The following RAB9B variants were observed in gnomAD, a reference collection of about 807,000 sequenced individuals.
RAB9B encodes ras-related protein Rab-9B.
A neutral mutation model predicts 8.9 loss-of-function variants in RAB9B; 1 was observed. The observed-to-expected ratio is 0.11, with a 90% CI of 0.04 to 0.53. The LOEUF (loss-of-function observed/expected upper bound fraction) is 0.53, where lower values mean the gene tolerates loss of function less well. Ranked by LOEUF, RAB9B falls within the 20% of genes least tolerant of loss-of-function variation. The probability of loss-of-function intolerance (pLI) is 0.93; values close to 1 mark genes in which losing one functional copy is unlikely to be tolerated. For missense variants in RAB9B, 82 were observed against 152.9 expected (o/e 0.54, Z 2.45); for synonymous variants, 63 against 57.0 (o/e 1.10, Z -0.47).
At chrX:103,789,886 T>A in the RAB9B span, among the ~76,000 whole-genome samples, 1 of 112,002 alleles carries the variant, frequency 8.9e-6, no homozygotes, top group East Asian at 2.8e-4. Context: ...ATTAGAATTG[T>A]TATGATTATA....
At chrX:103,785,846 C>A in the RAB9B span, 1 of 921,133 alleles carries the variant, frequency 1.1e-6, no homozygotes, top group Non-Finnish European at 1.6e-6. Context: ...TCTTCAGTAC[C>A]TTAGTAACTA....
chrX:103,803,942 T>C, the RAB9B span, among the ~76,000 whole-genome samples: 1 of 112,840 alleles, frequency 8.9e-6, no homozygotes, highest in East Asian at 2.8e-4. Context: ...TCTCCCATTC[T>C]TTGTGTTGTC....
the RAB9B span, chrX:103,787,909 T>C: frequency 1.7e-6 from 2 of 1,210,296 alleles, no homozygotes; most frequent in Non-Finnish European, 2.2e-6. Flanking sequence ...GTCTATTGCC[T>C]TCCCCAGCAA....
At chrX:103,785,626 G>A in the RAB9B span, 2 of 1,210,675 alleles carry the variant, frequency 1.7e-6, no homozygotes, top group Middle Eastern at 2.3e-4. Context: ...GGCCCCCTTT[G>A]CTTCCCTGGT....
chrX:103,786,783 A>C, the RAB9B span: 1 of 1,151,535 alleles, frequency 8.7e-7, no homozygotes, highest in African/African-American at 1.8e-5. Flanking sequence ...ATTGGGCGCG[A>C]GTCTGTGGCC....
chrX:103,822,217 G>C (rs2074663865), downstream of RAB9B: 2 of 111,969 alleles, frequency 1.8e-5, no homozygotes, highest in Non-Finnish European at 3.8e-5. Context: ...ACATGATCCA[G>C]AGGCCACATC....
chrX:103,811,734 C>T, the RAB9B span, among the ~76,000 whole-genome samples: 1 of 111,251 alleles, frequency 9.0e-6, no homozygotes, highest in Admixed American at 9.6e-5. Flanking sequence ...ACTCATTTGG[C>T]TGAAATACAG....
chrX:103,828,152 C>A (rs2074690645), intron 1 of RAB9B, among the ~76,000 whole-genome samples: 1 of 111,236 alleles, frequency 9.0e-6, no homozygotes, highest in Admixed American at 9.5e-5. Context: ...AAGAACGAAG[C>A]TTTAAAAAAA....
chrX:103,810,001 G>T, the RAB9B span, among the ~76,000 whole-genome samples: 1 of 111,560 alleles, frequency 9.0e-6, no homozygotes, highest in East Asian at 2.8e-4. Context: ...GTGCACAGTA[G>T]GCCCAGGCCT....
At chrX:103,817,488 A>G (rs979137927), downstream of RAB9B, among the ~76,000 whole-genome samples, 5 of 110,091 alleles carry the variant, frequency 4.5e-5, no homozygotes, top group African/African-American at 1.3e-4. Context: ...AGGTGATGGG[A>G]TGAAGGGTGC....
chrX:103,807,154 G>T, the RAB9B span, among the ~76,000 whole-genome samples: 2 of 111,888 alleles, frequency 1.8e-5, no homozygotes, highest in African/African-American at 6.5e-5. Context: ...AGAGAGAAAT[G>T]AACAAATGAG....
rs1460406799 is a variant in RAB9B, at chrX:103,832,050, G to C, written c.-117+10C>G. 2.7e-5 allele frequency: 3 copies of C among 112,457 alleles called. No individual in the cohort carries two copies. Among genetic ancestry groups the C allele is most frequent in the African/African-American group, 9.7e-5 (3 of 30,879 alleles). 9.3% of individuals were successfully genotyped at this position (112,457 alleles called of 1,213,427 possible). ...TAGCCCCTGTTCCTGCCCACGCACAGGCACCTTACCCAACACAATGGGAAG... is the reference window on the plus strand; with the variant it reads ...TAGCCCCTGTTCCTGCCCACGCACACGCACCTTACCCAACACAATGGGAAG... On this transcript the variant is annotated intron_variant, in intron 1 of 2. Transcript: ENST00000243298.
At chrX:103,788,653 G>C in the RAB9B span, 1 of 572,324 alleles carries the variant, frequency 1.7e-6, no homozygotes, top group Admixed American at 2.3e-5. Flanking sequence ...TGTTGGCTAA[G>C]TGTGCCTGAG....
chrX:103,780,526 G>A, the RAB9B span, among the ~76,000 whole-genome samples: 12 of 109,973 alleles, frequency 1.1e-4, no homozygotes, highest in Non-Finnish European at 1.9e-4. Context: ...TGCTGTTGCC[G>A]TGGTAATACT....
downstream of RAB9B, among the ~76,000 whole-genome samples, chrX:103,818,196 G>A (rs1490773975): frequency 9.0e-6 from 1 of 111,001 alleles, no homozygotes; most frequent in East Asian, 2.8e-4. Context: ...AATAAAAATG[G>A]CCAATGAATG....
chrX:103,789,058 G>T, the RAB9B span: 2 of 383,338 alleles, frequency 5.2e-6, no homozygotes, highest in Non-Finnish European at 9.1e-6. Flanking sequence ...TTAAATTTTG[G>T]GCCCCTGGGC....
At chrX:103,818,923 T>C (rs925674146), downstream of RAB9B, among the ~76,000 whole-genome samples, 1 of 111,305 alleles carries the variant, frequency 9.0e-6, no homozygotes. Flanking sequence ...TTTTAAAGCA[T>C]TTATCGGTCA....
At chrX:103,792,996 T>C in the RAB9B span, among the ~76,000 whole-genome samples, 1 of 112,531 alleles carries the variant, frequency 8.9e-6, no homozygotes, top group Admixed American at 9.4e-5. Context: ...GCATTTAGAT[T>C]TAAGTTATTG....
intron 1 of RAB9B, among the ~76,000 whole-genome samples, chrX:103,831,837 G>C (rs897397236): frequency 7.2e-5 from 8 of 110,608 alleles, no homozygotes; most frequent in Admixed American, 1.9e-4. Context: ...CTCTCTGCTC[G>C]GCTCTGGCAG....
Sources: allele counts gnomAD v4.1 joint callset (sites outside exome capture counted in the v4.1 genomes callset), GRCh38; gene constraint gnomAD v4.1.1; transcripts MANE v1.5; gene names NCBI Gene and HGNC (gene_info 2026-07-23, HGNC 2026-07-21).